The following CTNNA2 variants were observed in gnomAD, a reference collection of about 807,000 sequenced individuals.
The protein encoded by CTNNA2 is catenin alpha-2.
In CTNNA2, 42 loss-of-function variants were observed where a neutral mutation model predicts 101.0. The observed-to-expected ratio is 0.42, with a 90% CI of 0.32 to 0.54. CTNNA2 has a LOEUF of 0.54. Ranked by LOEUF, CTNNA2 falls within the 20% of genes least tolerant of loss-of-function variation. The pLI, the probability that CTNNA2 is intolerant of heterozygous loss-of-function variation, is 0.14. For missense variants in CTNNA2, 871 were observed against 1,223.1 expected (o/e 0.71, Z 4.29); for synonymous variants, 450 against 456.4 (o/e 0.99, Z 0.18).
intron 3 of CTNNA2, among the ~76,000 whole-genome samples, chr2:79,797,270 C>G (rs1194109660): frequency 6.6e-6 from 1 of 152,070 alleles, no homozygotes; most frequent in Non-Finnish European, 1.5e-5. Context: ...ATATGGAGAT[C>G]ACCAAAGCCC....
chr2:79,718,795 C>T (rs1183363452), intron 2 of CTNNA2, among the ~76,000 whole-genome samples: 12 of 149,814 alleles, frequency 8.0e-5, no homozygotes, highest in Admixed American at 8.0e-4. Flanking sequence ...AAATGTACAG[C>T]AAATATTTAA....
intron 2 of CTNNA2, among the ~76,000 whole-genome samples, chr2:79,695,220 T>C (rs996301725): frequency 2.6e-5 from 4 of 151,960 alleles, no homozygotes; most frequent in African/African-American, 9.7e-5. Context: ...GGCAGAGTTG[T>C]CATCTTGGAC....
At position 79,685,849 on chromosome 2, in the gene CTNNA2, C is replaced by A. The variant is rs556942854; in HGVS notation, c.102+34191C>A. Among the ~76,000 whole-genome samples the A allele has an allele frequency of 9.2e-5, 14 of 152,260 alleles. 1 individual carries two copies. The East Asian group carries it at 2.7e-3, about 29-fold the overall frequency. ...AAGAAAGACTGTTCTATCCACCTTGCAGTTCCAAAGAGGATACTGAGAAGC... is the reference window on the plus strand; with the variant it reads ...AAGAAAGACTGTTCTATCCACCTTGAAGTTCCAAAGAGGATACTGAGAAGC... On this transcript the variant is annotated intron_variant, in intron 2 of 18. Coordinates refer to ENST00000402739, the MANE Select transcript of CTNNA2 (RefSeq NM_001282597.3).
intron 4 of CTNNA2, among the ~76,000 whole-genome samples, chr2:79,385,922 C>G (rs1390253138): frequency 6.6e-6 from 1 of 152,142 alleles, no homozygotes; most frequent in Non-Finnish European, 1.5e-5. Flanking sequence ...TTTTCTTTAT[C>G]CAGTCTATCA....
chr2:79,338,351 G>A (rs17016907), intron 3 of CTNNA2, among the ~76,000 whole-genome samples: 16,823 of 151,924 alleles, frequency 0.11, 1,102 homozygotes, highest in East Asian at 0.26. Context: ...AGGCAGAAAG[G>A]AGACTATTCA....
At chr2:80,365,748 G>A (rs1674867370) in intron 7 of CTNNA2, among the ~76,000 whole-genome samples, 1 of 152,136 alleles carries the variant, frequency 6.6e-6, no homozygotes, top group Non-Finnish European at 1.5e-5. Context: ...TCATCTGAGA[G>A]GAAATAATGG....
intron 1 of CTNNA2, among the ~76,000 whole-genome samples, chr2:79,573,303 A>G (rs908152312): frequency 2.6e-5 from 4 of 152,228 alleles, no homozygotes; most frequent in African/African-American, 7.2e-5. Flanking sequence ...GTCATCGCCA[A>G]TGCTGACAAC....
intron 3 of CTNNA2, among the ~76,000 whole-genome samples, chr2:79,848,202 C>T (rs77638922): frequency 2.6e-5 from 4 of 152,078 alleles, no homozygotes; most frequent in Non-Finnish European, 5.9e-5. Context: ...AGTATATATA[C>T]GATATAGTGT....
At chr2:79,395,129 C>T (rs1678215547) in intron 4 of CTNNA2, among the ~76,000 whole-genome samples, 1 of 152,116 alleles carries the variant, frequency 6.6e-6, no homozygotes, top group Non-Finnish European at 1.5e-5. Context: ...TAAGTAACTC[C>T]CAAATTACGG....
At chr2:80,173,733 G>A (rs749305436) in intron 7 of CTNNA2, among the ~76,000 whole-genome samples, 1 of 152,124 alleles carries the variant, frequency 6.6e-6, no homozygotes, top group African/African-American at 2.4e-5. Context: ...CCTGTCAAGG[G>A]AAGGCCTAGG....
chr2:79,704,797 A>G (rs1685247248), intron 2 of CTNNA2, among the ~76,000 whole-genome samples: 1 of 152,040 alleles, frequency 6.6e-6, no homozygotes, highest in Admixed American at 6.6e-5. Flanking sequence ...TGCTTCTTTA[A>G]AATCGAAGAA....
intron 7 of CTNNA2, among the ~76,000 whole-genome samples, chr2:80,295,426 T>C (rs1393603177): frequency 2.0e-5 from 3 of 152,228 alleles, no homozygotes; most frequent in African/African-American, 4.8e-5. Context: ...CCTACCTCTC[T>C]GAAGCCCCTG....
At chr2:79,475,678 A>G (rs1374026159) in intron 4 of CTNNA2, among the ~76,000 whole-genome samples, 1 of 69,338 alleles carries the variant, frequency 1.4e-5, no homozygotes, top group Admixed American at 1.3e-4. Context: ...ATCTTTGAAT[A>G]CTTTTTTTTT....
intron 17 of CTNNA2, 64 bp from the exon 18 acceptor site, chr2:80,619,021 A>AT (rs1466684584): frequency 1.4e-6 from 1 of 706,710 alleles, no homozygotes. Flanking sequence ...CAAGTAGGGT[A>AT]CTTTTTTTTT....
intron 9 of CTNNA2, among the ~76,000 whole-genome samples, chr2:80,480,128 C>T (rs1254175478): frequency 1.3e-5 from 2 of 151,938 alleles, no homozygotes; most frequent in Admixed American, 6.6e-5. Flanking sequence ...AAACCTTACC[C>T]ATTATTTGCA....
chr2:79,393,336 A>G (rs1678194644), intron 4 of CTNNA2, among the ~76,000 whole-genome samples: 4 of 152,196 alleles, frequency 2.6e-5, no homozygotes, highest in African/African-American at 7.2e-5. Flanking sequence ...TCAAGTGCAA[A>G]GTTCTGCAAA....
intron 7 of CTNNA2, among the ~76,000 whole-genome samples, chr2:80,221,563 T>C (rs562554629): frequency 1.3e-5 from 2 of 152,328 alleles, no homozygotes; most frequent in South Asian, 4.1e-4. Flanking sequence ...AGACTGAGTC[T>C]AAATCTCCTT....
chr2:79,676,002 C>A (rs1218540920), intron 2 of CTNNA2, among the ~76,000 whole-genome samples: 1 of 152,104 alleles, frequency 6.6e-6, no homozygotes, highest in Non-Finnish European at 1.5e-5. Flanking sequence ...AGCTGTCTCA[C>A]CCTCAGGGTC....
Position 79,685,215 on chromosome 2 carries a change from A to C in CTNNA2, c.102+33557A>C, listed in dbSNP as rs907438044. Among the ~76,000 whole-genome samples the C allele has an allele frequency of 6.6e-5, 10 of 152,360 alleles. No homozygotes were observed. In the East Asian group the frequency reaches 1.9e-3, roughly 29 times the overall value. ...AATTATATTCATAAACTAGATTAGC[A>C]TATAATTTCTGATTCCTGGATTCAT... is the stretch of plus-strand genomic sequence containing the variant. On this transcript the variant is annotated intron_variant, in intron 2 of 18. Transcript: ENST00000402739.
Sources: allele counts gnomAD v4.1 joint callset (sites outside exome capture counted in the v4.1 genomes callset), GRCh38; gene constraint gnomAD v4.1.1; transcripts MANE v1.5; gene names NCBI Gene and HGNC (gene_info 2026-07-23, HGNC 2026-07-21).